Variants in ZNF726 observed in about 807,000 individuals in gnomAD.
ZNF726 encodes zinc finger protein 92 pseudogene 3.
Under a neutral mutation model 11.6 loss-of-function variants are expected in ZNF726, and 15 were observed. The ratio of observed to expected loss-of-function variants is 1.29; its 90% CI spans 0.86 to 1.99. ZNF726 has a LOEUF of 1.99. Ranked by LOEUF, ZNF726 falls within the 30% of genes most tolerant of loss-of-function variation. The pLI is 0.00. For synonymous variants in ZNF726, 295 were observed against 243.6 expected, an observed-to-expected ratio of 1.21 and a Z score of -1.96; for missense variants, 890 against 725.6, an observed-to-expected ratio of 1.23 and a Z score of -2.60.
intron 3 of ZNF726, among the ~76,000 whole-genome samples, chr19:23,926,633 T>G (rs1321179738): frequency 6.6e-6 from 1 of 151,912 alleles, no homozygotes; most frequent in African/African-American, 2.4e-5. Flanking sequence ...ACATATGGTA[T>G]AGAGAAATAA....
rs1009071201 is a variant in ZNF726, at chr19:23,933,628, T to C, written c.1512T>C (p.Thr504=). 3 of 1,612,640 alleles carry C rather than the reference T, an allele frequency of 1.9e-6. No individual in the cohort carries two copies. In the African/African-American group the frequency reaches 4.0e-5, roughly 22 times the overall value. The change falls in exon 4 of 4, where the codon ACT becomes ACC. Residue 504 remains threonine, a synonymous_variant. Coordinates refer to ENST00000594466, the MANE Select transcript of ZNF726 (RefSeq NM_001244038.2). The stretch of plus-strand genomic sequence containing the variant: ...TTACTGCACATAAGATAATTCATAC[T>C]GGAGAGAAACCCTACAAATGTGAAG... ...STLTAHKIIH[T]GEKPYKCEEC... is the part of the protein sequence containing the mutation.
At position 23,933,818 on chromosome 19, in the gene ZNF726, G is replaced by C. The variant is rs769907737; in HGVS notation, c.1702G>C (p.Glu568Gln). 1.3e-5 allele frequency: 21 copies of C among 1,603,578 alleles called. No individual in the cohort carries two copies. Among genetic ancestry groups the C allele is most frequent in the Non-Finnish European group, 1.8e-5 (21 of 1,175,482 alleles). ...IHTGEKPYKC[E>Q]ECGKAFNRSS... ...TACTGGAGAGAAACCTTACAAGTGT[G>C]AAGAATGTGGAAAAGCGTTTAATCG... The change falls in exon 4 of 4, where the codon GAA becomes CAA. Residue 568 changes from glutamate (E) to glutamine (Q), a missense_variant. Coordinates refer to ENST00000594466, the MANE Select transcript of ZNF726 (RefSeq NM_001244038.2).
intron 1 of ZNF726, among the ~76,000 whole-genome samples, chr19:23,916,180 A>G (rs1255755387): frequency 3.3e-5 from 5 of 152,096 alleles, no homozygotes; most frequent in South Asian, 4.1e-4. Context: ...CTCATCCCTT[A>G]TTCCTCCAGC....
At chr19:23,935,177 A>T (rs1004696506), downstream of ZNF726, 6 of 407,852 alleles carry the variant, frequency 1.5e-5, no homozygotes, top group Non-Finnish European at 5.0e-6. Flanking sequence ...GTGGGGAGAG[A>T]CCCAGTGGGA....
intron 3 of ZNF726, among the ~76,000 whole-genome samples, chr19:23,942,216 C>T (rs1968349652): frequency 1.3e-5 from 2 of 152,084 alleles, no homozygotes; most frequent in African/African-American, 4.8e-5. Flanking sequence ...TTGTTTTTGA[C>T]CCAGTGCTCA....
downstream of ZNF726, chr19:23,935,509 A>C (rs1339142997): frequency 9.6e-6 from 4 of 415,528 alleles, no homozygotes; most frequent in Non-Finnish European, 1.9e-5. Context: ...AATTCTTAAC[A>C]GATATAAGAT....
intron 3 of ZNF726, chr19:23,920,284 A>T (rs1967811692): frequency 2.8e-6 from 1 of 363,238 alleles, no homozygotes; most frequent in Admixed American, 4.0e-5. Flanking sequence ...CTCTCCCTTC[A>T]ATGATCTTCC....
intron 3 of ZNF726, chr19:23,920,649 G>A (rs1015749376): frequency 4.6e-5 from 7 of 152,674 alleles, no homozygotes; most frequent in African/African-American, 1.4e-4. Context: ...CTGACCTCAG[G>A]TGATCCACCC....
chr19:23,932,832 A>G lies in ZNF726; in HGVS notation c.716A>G (p.Asn239Ser). 1 of 1,606,640 alleles carries G rather than the reference A, an allele frequency of 6.2e-7. No individual in the cohort carries two copies. Among genetic ancestry groups the G allele is most frequent in the Non-Finnish European group, 8.5e-7 (1 of 1,176,676 alleles). ...TGTGAAGAATATGGCAAAGCTTTTA[A>G]TCAATCCTCAAATTATACTACACAT... ...YKCEEYGKAFNQSSNYTTHKV... is the reference protein window; with the variant it reads ...YKCEEYGKAFSQSSNYTTHKV... Residue 239 changes from asparagine (N) to serine (S), a missense_variant, in exon 4 of 4, where the codon AAT (asparagine) becomes AGT (serine). By Grantham distance (46) the Asn-to-Ser change is conservative. Coordinates refer to ENST00000594466, the MANE Select transcript of ZNF726 (RefSeq NM_001244038.2).
intron 3 of ZNF726, among the ~76,000 whole-genome samples, chr19:23,924,604 G>A (rs1037245050): frequency 2.0e-5 from 3 of 152,000 alleles, no homozygotes; most frequent in South Asian, 2.1e-4. Context: ...ACATGTCAGG[G>A]CGAGGCAATG....
downstream of ZNF726, among the ~76,000 whole-genome samples, chr19:23,938,504 G>A (rs1968283959): frequency 1.3e-5 from 2 of 151,646 alleles, no homozygotes; most frequent in Non-Finnish European, 2.9e-5. Context: ...TTTGGCTTAT[G>A]CTTCAGAATC....
At chr19:23,927,868 T>C (rs902971011) in intron 3 of ZNF726, 1 of 152,234 alleles carries the variant, frequency 6.6e-6, no homozygotes, top group Non-Finnish European at 1.5e-5. Flanking sequence ...TTCTTGCTTT[T>C]GACTGGAAAG....
intron 3 of ZNF726, chr19:23,921,188 C>G (rs188584270): frequency 1.1e-3 from 167 of 152,342 alleles, no homozygotes; most frequent in Middle Eastern, 3.4e-3. Context: ...CCCAGCTACT[C>G]AGGTGGCTGA....
At chr19:23,916,370 G>T (rs1206457251) in intron 1 of ZNF726, among the ~76,000 whole-genome samples, 6 of 151,234 alleles carry the variant, frequency 4.0e-5, no homozygotes, top group African/African-American at 1.5e-4. Flanking sequence ...CTCTGTTGCA[G>T]TGCAGTGGCT....
At chr19:23,915,812 C>G (rs1049185643) in intron 1 of ZNF726, among the ~76,000 whole-genome samples, 1 of 152,044 alleles carries the variant, frequency 6.6e-6, no homozygotes, top group Non-Finnish European at 1.5e-5. Context: ...GATCTCCTGA[C>G]CTCAGGTGAT....
rs1379808266 is a variant in ZNF726 at position 23,932,704 on chromosome 19, T to C, written c.588T>C (p.Thr196=). ...SHKTQHKSIY[T]TEKSYKCKEC... Reference sequence around the variant, plus strand: ...AAACCCAGCATAAAAGCATATATACTACAGAGAAGTCCTACAAATGTAAAG... The same window carrying C: ...AAACCCAGCATAAAAGCATATATACCACAGAGAAGTCCTACAAATGTAAAG... Residue 196 remains threonine, a synonymous_variant, in exon 4 of 4, where the codon ACT becomes ACC. Transcript: ENST00000594466. 1 of 1,605,978 alleles carries C rather than the reference T, an allele frequency of 6.2e-7. No individual in the cohort carries two copies. Among genetic ancestry groups the C allele is most frequent in the Non-Finnish European group, 8.5e-7 (1 of 1,177,780 alleles).
chr19:23,927,988 G>A (rs556386876), intron 3 of ZNF726: 2 of 152,288 alleles, frequency 1.3e-5, no homozygotes, highest in African/African-American at 2.4e-5. Context: ...GAGACCTGGT[G>A]GGAGGTGTTT....
intron 3 of ZNF726, among the ~76,000 whole-genome samples, chr19:23,942,910 T>A (rs1486216233): frequency 6.6e-6 from 1 of 152,186 alleles, no homozygotes; most frequent in East Asian, 1.9e-4. Context: ...TGCAGTTCTG[T>A]GTCTTTTAAT....
intron 1 of ZNF726, chr19:23,919,168 T>G: frequency 1.5e-6 from 1 of 685,166 alleles, no homozygotes; most frequent in Non-Finnish European, 2.2e-6. Flanking sequence ...ACACTGATGT[T>G]CTGGATATTA....
Sources: gnomAD v4.1 joint callset for allele counts (sites outside exome capture counted in the v4.1 genomes callset) on GRCh38, gnomAD v4.1.1 for gene constraint, MANE v1.5 for transcripts, NCBI Gene and HGNC (gene_info 2026-07-23, HGNC 2026-07-21) for gene names.